Variants in GALNT17 observed in about 807,000 individuals in gnomAD.
The protein encoded by GALNT17 is UDP-GalNAc:polypeptide N-acetylgalactosaminyltransferase-like 3.
Under a neutral mutation model 63.7 loss-of-function variants are expected in GALNT17, and 29 were observed. That is an observed-to-expected ratio of 0.46 (90% CI 0.34 to 0.62). The LOEUF is 0.62. Ranked by LOEUF, GALNT17 falls within the 20% of genes least tolerant of loss-of-function variation. The pLI is 0.01. For missense variants in GALNT17, 603 were observed against 799.6 expected, an observed-to-expected ratio of 0.75 and a Z score of 2.97; for synonymous variants, 305 against 318.3, an observed-to-expected ratio of 0.96 and a Z score of 0.45.
At chr7:71,467,647 A>G (rs1324778936) in intron 5 of GALNT17, among the ~76,000 whole-genome samples, 1 of 152,036 alleles carries the variant, frequency 6.6e-6, no homozygotes, top group Admixed American at 6.6e-5. Context: ...CCCCTTCCTC[A>G]TGGCAGGACT....
At chr7:71,148,892 A>ATG (rs1491571456) in intron 1 of GALNT17, among the ~76,000 whole-genome samples, 2 of 141,768 alleles carry the variant, frequency 1.4e-5, no homozygotes, top group African/African-American at 5.2e-5. Context: ...ATATATATAT[A>ATG]TGTATACCAT....
intron 9 of GALNT17, among the ~76,000 whole-genome samples, chr7:71,692,680 A>G (rs921806452): frequency 1.3e-5 from 2 of 151,916 alleles, no homozygotes; most frequent in Non-Finnish European, 2.9e-5. Flanking sequence ...AAACAATTTT[A>G]TTATACATAC....
chr7:71,667,890 C>T (rs764559468), intron 7 of GALNT17, among the ~76,000 whole-genome samples: 12 of 151,872 alleles, frequency 7.9e-5, no homozygotes, highest in Non-Finnish European at 1.5e-4. Flanking sequence ...ACCTCCGTCT[C>T]CCAGGTTCAA....
intron 1 of GALNT17, among the ~76,000 whole-genome samples, chr7:71,188,976 GA>G (rs368779470): frequency 6.6e-6 from 1 of 152,054 alleles, no homozygotes; most frequent in Non-Finnish European, 1.5e-5. Context: ...TCTTGAAGAA[GA>G]AAAAATGAGG....
At chr7:71,390,986 G>T (rs1003927152) in intron 3 of GALNT17, among the ~76,000 whole-genome samples, 1 of 152,186 alleles carries the variant, frequency 6.6e-6, no homozygotes, top group Non-Finnish European at 1.5e-5. Flanking sequence ...ATGAGGCCCC[G>T]GTTCTGTGCT....
At chr7:71,181,311 T>G (rs1245940362) in intron 1 of GALNT17, among the ~76,000 whole-genome samples, 1 of 150,920 alleles carries the variant, frequency 6.6e-6, no homozygotes, top group East Asian at 1.9e-4. Flanking sequence ...CAACCTAATA[T>G]TAATAGACAG....
chr7:71,367,495 A>G (rs781080876), intron 2 of GALNT17, among the ~76,000 whole-genome samples: 1 of 152,146 alleles, frequency 6.6e-6, no homozygotes, highest in Non-Finnish European at 1.5e-5. Flanking sequence ...TCTGTTTGAC[A>G]TGTTTGTTGG....
At chr7:71,504,456 T>TTA (rs1475140405) in intron 5 of GALNT17, among the ~76,000 whole-genome samples, 3 of 152,106 alleles carry the variant, frequency 2.0e-5, no homozygotes, top group Middle Eastern at 3.2e-3. Context: ...AGACAGTGAA[T>TTA]TAGACAAAGG....
intron 5 of GALNT17, among the ~76,000 whole-genome samples, chr7:71,437,764 G>T (rs955376983): frequency 2.6e-5 from 4 of 152,192 alleles, no homozygotes; most frequent in African/African-American, 4.8e-5. Context: ...ACCCAGGCTA[G>T]AGTGCAGTGG....
chr7:71,457,231 T>A (rs1787370442), intron 5 of GALNT17, among the ~76,000 whole-genome samples: 1 of 152,248 alleles, frequency 6.6e-6, no homozygotes, highest in African/African-American at 2.4e-5. Context: ...GGGAATTTCC[T>A]TGTGGGCAAA....
At chr7:71,344,881 T>C (rs1047170691) in intron 2 of GALNT17, among the ~76,000 whole-genome samples, 12 of 152,108 alleles carry the variant, frequency 7.9e-5, no homozygotes, top group Admixed American at 4.6e-4. Flanking sequence ...ATGAAGTGGG[T>C]GCACTAGCTT....
At chr7:71,256,864 G>A (rs1790299183) in intron 1 of GALNT17, among the ~76,000 whole-genome samples, 1 of 152,180 alleles carries the variant, frequency 6.6e-6, no homozygotes, top group South Asian at 2.1e-4. Flanking sequence ...CACTATCTAG[G>A]CTGGCAGAGG....
chr7:71,346,722 G>A (rs16869429), intron 2 of GALNT17, among the ~76,000 whole-genome samples: 16,770 of 122,610 alleles, frequency 0.14, 1,365 homozygotes, highest in East Asian at 0.42. Flanking sequence ...CAAGTGGACA[G>A]TTTATCTAGG....
chr7:71,343,546 T>G (rs1393219564), intron 2 of GALNT17, among the ~76,000 whole-genome samples: 1 of 152,316 alleles, frequency 6.6e-6, no homozygotes, highest in South Asian at 2.1e-4. Context: ...TTTCTTCCAC[T>G]GGACAGATAT....
At chr7:71,698,522 T>C (rs1286519316) in intron 9 of GALNT17, among the ~76,000 whole-genome samples, 2 of 152,144 alleles carry the variant, frequency 1.3e-5, no homozygotes, top group African/African-American at 4.8e-5. Flanking sequence ...TGTTAAGATA[T>C]TTTATAAAAT....
intron 6 of GALNT17, among the ~76,000 whole-genome samples, chr7:71,587,346 G>A (rs1200857838): frequency 6.6e-6 from 1 of 152,096 alleles, no homozygotes; most frequent in Non-Finnish European, 1.5e-5. Context: ...ACCCTTTGAA[G>A]GGGGGTACTT....
At chr7:71,683,157 C>T (rs566290700) in intron 9 of GALNT17, among the ~76,000 whole-genome samples, 2 of 152,132 alleles carry the variant, frequency 1.3e-5, no homozygotes, top group African/African-American at 4.8e-5. Flanking sequence ...CTGGGATGGA[C>T]GCTTGTTAAG....
chr7:71,283,521 G>T (rs1319886249), intron 1 of GALNT17, among the ~76,000 whole-genome samples: 2 of 152,136 alleles, frequency 1.3e-5, no homozygotes, highest in African/African-American at 4.8e-5. Context: ...TTCTCTCTCT[G>T]GGAGTCAGCA....
At chr7:71,419,087 A>C (rs1447326298) in intron 4 of GALNT17, among the ~76,000 whole-genome samples, 7 of 152,130 alleles carry the variant, frequency 4.6e-5, no homozygotes, top group Non-Finnish European at 5.9e-5. Flanking sequence ...CTCAAAAAGA[A>C]AAAAAAAGAA....
Sources: gnomAD v4.1 joint callset for allele counts (sites outside exome capture counted in the v4.1 genomes callset) on GRCh38, gnomAD v4.1.1 for gene constraint, MANE v1.5 for transcripts, NCBI Gene and HGNC (gene_info 2026-07-23, HGNC 2026-07-21) for gene names.